Variants in ZNF394 observed in about 807,000 individuals in gnomAD.
ZNF394 encodes zinc finger protein 99.
Under a neutral mutation model 21.8 loss-of-function variants are expected in ZNF394, and 19 were observed. The ratio of observed to expected loss-of-function variants is 0.87; its 90% confidence interval spans 0.61 to 1.28. The LOEUF (loss-of-function observed/expected upper bound fraction) is 1.28. Ranked by LOEUF, ZNF394 falls within the 50% of genes most tolerant of loss-of-function variation. The probability of loss-of-function intolerance (pLI) is 0.00; values close to 1 mark genes in which losing one functional copy is unlikely to be tolerated. For synonymous variants in ZNF394, 294 were observed against 273.3 expected (o/e 1.08, Z -0.75); for missense variants, 683 against 708.6 (o/e 0.96, Z 0.41).
intron 2 of ZNF394, among the ~76,000 whole-genome samples, chr7:99,497,087 CGTGT>C (rs201206255): frequency 0.093 from 8,811 of 94,414 alleles, 472 homozygotes; most frequent in Non-Finnish European, 0.11. Flanking sequence ...TACATACATA[CGTGT>C]GTGTGTGTGT....
At chr7:99,498,695 C>G (rs1457811381) in intron 2 of ZNF394, 21 bp downstream of exon 2, 3 of 1,613,556 alleles carry the variant, frequency 1.9e-6, no homozygotes, top group Non-Finnish European at 2.5e-6. Flanking sequence ...CGCAATAAAC[C>G]AGCAGAGCAA....
intron 2 of ZNF394, 120 bp from the exon 3 acceptor site, chr7:99,494,751 T>C: frequency 2.9e-6 from 4 of 1,387,218 alleles, no homozygotes; most frequent in South Asian, 1.7e-5. Context: ...TAATTTATTT[T>C]TTGAGACGGT....
At chr7:99,486,676 C>T in exon 2 of ZNF394, 1 of 1,614,180 alleles carries the variant, frequency 6.2e-7, no homozygotes, top group Non-Finnish European at 8.5e-7. Context: ...GGGCTTCCTT[C>T]AAAACCTTAA....
chr7:99,494,722 C>G (rs1043287509), intron 2 of ZNF394, 91 bp from the exon 3 acceptor site: 1 of 1,424,776 alleles, frequency 7.0e-7, no homozygotes, highest in Non-Finnish European at 9.1e-7. Flanking sequence ...CCTCAAACCC[C>G]TTTTACTTTT....
chr7:99,491,735 C>T (rs537701582), downstream of ZNF394, among the ~76,000 whole-genome samples: 16 of 143,254 alleles, frequency 1.1e-4, no homozygotes, highest in South Asian at 3.3e-3. Context: ...GATATCATGC[C>T]ACTGCACTCC....
downstream of ZNF394, among the ~76,000 whole-genome samples, chr7:99,491,135 A>C (rs1800153549): frequency 1.3e-5 from 2 of 152,152 alleles, no homozygotes; most frequent in South Asian, 4.1e-4. Flanking sequence ...AGTGGAGCTG[A>C]GCAGACACTC....
Position 99,499,797 on chromosome 7 carries a change from G to A in ZNF394, c.297C>T (p.Ser99=). Residue 99 remains serine, a synonymous_variant, in exon 1 of 3, where the codon TCC becomes TCT. Coordinates refer to ENST00000337673, the MANE Select transcript of ZNF394 (RefSeq NM_032164.4). ...CRRWLRPELL[S]KEQILELLVL... is the part of the protein sequence containing the mutation. ...CCAGCAGCTCCAGGATCTGCTCCTT[G>A]GAGAGCAGCTCGGGTCTCAGCCACC... The A allele has an allele frequency of 3.7e-6, 6 of 1,614,178 alleles. No individual in the cohort carries two copies. Among genetic ancestry groups the A allele is most frequent in the Non-Finnish European group, 5.1e-6 (6 of 1,180,044 alleles).
intron 1 of ZNF394, among the ~76,000 whole-genome samples, chr7:99,487,795 G>A (rs546983641): frequency 6.6e-6 from 1 of 151,922 alleles, no homozygotes; most frequent in South Asian, 2.1e-4. Flanking sequence ...AGAAAGGGCT[G>A]GGCGCGGTGG....
downstream of ZNF394, chr7:99,493,175 G>C: frequency 9.6e-7 from 1 of 1,038,730 alleles, no homozygotes; most frequent in Non-Finnish European, 1.2e-6. Context: ...ATAATTGACT[G>C]ATATACTCCA....
downstream of ZNF394, among the ~76,000 whole-genome samples, chr7:99,491,771 C>CAAGAA (rs1800165360): frequency 2.9e-5 from 1 of 34,966 alleles, no homozygotes; most frequent in African/African-American, 1.2e-4. Flanking sequence ...GAATCTGTCT[C>CAAGAA]AAAAAAAAAA....
In ZNF394 at chr7:99,499,807, T is replaced by G. The variant is rs751382113; in HGVS notation, c.287A>C (p.Glu96Ala). The G allele has an allele frequency of 6.2e-7, 1 of 1,614,162 alleles. No individual in the cohort carries two copies. The highest frequency in any genetic ancestry group is 8.5e-7 in the Non-Finnish European group (1 of 1,180,048). ...CAGGATCTGCTCCTTGGAGAGCAGCTCGGGTCTCAGCCACCGACGACAGAG... is the reference window on the plus strand; with the variant it reads ...CAGGATCTGCTCCTTGGAGAGCAGCGCGGGTCTCAGCCACCGACGACAGAG... ...RELCRRWLRP[E>A]LLSKEQILEL... The change falls in exon 1 of 3, where the codon GAG (glutamate) becomes GCG (alanine). Residue 96 changes from glutamate (E) to alanine (A), a missense_variant. Transcript: ENST00000337673.
Position 99,494,388 on chromosome 7 carries a change from A to G in ZNF394, c.827T>C (p.Ile276Thr), listed in dbSNP as rs773753717. 1.2e-6 allele frequency: 2 copies of G among 1,614,156 alleles called. No homozygotes were observed. The highest frequency in any genetic ancestry group is 1.7e-5 in the Admixed American group (1 of 60,012). Residue 276 changes from isoleucine to threonine, a missense_variant, in exon 3 of 3, where the codon ATA (isoleucine) becomes ACA (threonine). Coordinates refer to ENST00000337673, the MANE Select transcript of ZNF394 (RefSeq NM_032164.4). ...ATTATTTTTAGAGTCTTCCCCTTCT[A>G]TGGAACCATTCTTATTGACATCTGA... The part of the protein sequence containing the change: ...SISDVNKNGS[I>T]EGEDSKNNEL...
At position 99,494,368 on chromosome 7, in the gene ZNF394, T is replaced by C. The variant is rs200350107; in HGVS notation, c.847A>G (p.Asn283Asp). The change falls in exon 3 of 3, where the codon AAT (asparagine) becomes GAT (aspartate). Residue 283 changes from asparagine to aspartate, a missense_variant. By Grantham distance (23) the Asn-to-Asp change is conservative (BLOSUM62 1). This residue lies in a region of ZNF394 where 402 missense variants were observed against 373.8 expected (regional missense o/e 1.08). Transcript: ENST00000337673. Reference protein sequence around the residue: ...NGSIEGEDSKNNELQNSARCS... With the variant: ...NGSIEGEDSKDNELQNSARCS... ...CTGGCACTGTTCTGCAATTCATTAT[T>C]TTTAGAGTCTTCCCCTTCTATGGAA... The C allele has an allele frequency of 6.2e-7, 1 of 1,614,196 alleles. No homozygotes were observed. The highest frequency in any genetic ancestry group is 2.2e-5 in the East Asian group (1 of 44,894).
rs1156247185 is a variant in ZNF394, at chr7:99,498,768, C to T, written c.531G>A (p.Arg177=). ...TCTGCGCACTCTCTCTGCAGAAGTC[C>T]CTCCGTGCTGGGTCCAGGCGCTCCC... ...EEWERLDPAR[R]DFCRESAQKD... Residue 177 remains arginine (R), a synonymous_variant, in exon 2 of 3, where the codon AGG becomes AGA. Coordinates refer to ENST00000337673, the MANE Select transcript of ZNF394 (RefSeq NM_032164.4). 6.2e-7 allele frequency: 1 copy of T among 1,614,064 alleles called. No homozygotes were observed. Among genetic ancestry groups the T allele is most frequent in the Non-Finnish European group, 8.5e-7 (1 of 1,180,004 alleles).
intron 1 of ZNF394, chr7:99,487,488 A>C (rs990427367): frequency 6.2e-7 from 1 of 1,605,044 alleles, no homozygotes; most frequent in Non-Finnish European, 8.5e-7. Context: ...TATCCACATG[A>C]TGTTAATTGG....
At chr7:99,488,217 A>G (rs1407610467) in intron 1 of ZNF394, among the ~76,000 whole-genome samples, 3 of 151,684 alleles carry the variant, frequency 2.0e-5, no homozygotes, top group African/African-American at 4.8e-5. Context: ...CAGGCTGGGG[A>G]CCATTGCATG....
chr7:99,490,793 TAG>T (rs1375711456), downstream of ZNF394, among the ~76,000 whole-genome samples: 6 of 152,068 alleles, frequency 3.9e-5, no homozygotes, highest in East Asian at 1.9e-4. Flanking sequence ...CTGCCAAATC[TAG>T]AGAGACTCAG....
In ZNF394 at chr7:99,494,312, G is replaced by T. The variant is rs1166455126; in HGVS notation, c.903C>A (p.Ile301=). Residue 301 remains isoleucine (I), a synonymous_variant, in exon 3 of 3, where the codon ATC becomes ATA. Transcript: ENST00000337673. ...TGTCAGTGGGCCTCTCTGCTTTCGG[G>T]ATGTGCTGACATAGAACAAGGTTGG... ...RCSNLVLCQH[I]PKAERPTDSE... 2 of 1,614,164 alleles carry T rather than the reference G, an allele frequency of 1.2e-6. No individual in the cohort carries two copies. Among genetic ancestry groups the T allele is most frequent in the East Asian group, 4.5e-5 (2 of 44,888 alleles).
chr7:99,499,998 T>C lies in ZNF394; in HGVS notation c.96A>G (p.Gln32=), dbSNP rs748527102. The stretch of plus-strand genomic sequence containing the variant: ...CTTTCACGGGCAAAAGTCCGTCGCG[T>C]TGGGACGGCGCCGCGTCCTTGGACC... The part of the protein sequence containing the change: ...AARSKDAAPS[Q]RDGLLPVKVE... The change falls in exon 1 of 3, where the codon CAA becomes CAG. Residue 32 remains glutamine, a synonymous_variant. Transcript: ENST00000337673. 4 of 1,611,384 alleles carry C rather than the reference T, an allele frequency of 2.5e-6. No individual in the cohort carries two copies. The highest frequency in any genetic ancestry group is 1.7e-5 in the Admixed American group (1 of 59,972).
Sources: gnomAD v4.1 joint callset for allele counts (sites outside exome capture counted in the v4.1 genomes callset) on GRCh38, gnomAD v4.1.1 for gene constraint, gnomAD v4.1.1 regional missense constraint, MANE v1.5 for transcripts, NCBI Gene and HGNC (gene_info 2026-07-23, HGNC 2026-07-21) for gene names.